The following PPP2R2B variants were observed in gnomAD, a reference collection of about 807,000 sequenced individuals.
PPP2R2B encodes serine/threonine-protein phosphatase 2A 55 kDa regulatory subunit B beta isoform.
In PPP2R2B, 5 loss-of-function variants were observed where a neutral mutation model predicts 46.0. The ratio of observed to expected loss-of-function variants is 0.11; its 90% CI spans 0.06 to 0.23. The LOEUF is 0.23. PPP2R2B is among the 10% of genes least tolerant of loss of function. The pLI is 1.00. For synonymous variants in PPP2R2B, 215 were observed against 206.7 expected, an observed-to-expected ratio of 1.04 and a Z score of -0.34; for missense variants, 367 against 575.0, an observed-to-expected ratio of 0.64 and a Z score of 3.70.
chr5:146,653,223 T>C (rs1646420), intron 5 of PPP2R2B, among the ~76,000 whole-genome samples: 129,843 of 152,118 alleles, frequency 0.85, 55,926 homozygotes, highest in Admixed American at 0.91. Context: ...CTTTCCACTG[T>C]ACCACATCAC....
intron 2 of PPP2R2B, chr5:146,707,523 T>A: frequency 1.4e-6 from 1 of 730,814 alleles, no homozygotes; most frequent in Non-Finnish European, 2.5e-6. Context: ...CCAGGCCCAC[T>A]CGTGTAGGAG....
At chr5:147,033,261 T>C (rs1195085497) in intron 1 of PPP2R2B, among the ~76,000 whole-genome samples, 1 of 152,194 alleles carries the variant, frequency 6.6e-6, no homozygotes. Flanking sequence ...TAACCACCCA[T>C]GTGCATGGCT....
intron 1 of PPP2R2B, among the ~76,000 whole-genome samples, chr5:147,049,709 G>A (rs1756710719): frequency 6.6e-6 from 1 of 152,150 alleles, no homozygotes. Flanking sequence ...ATCCCTTCAG[G>A]AAGGATGGAG....
At chr5:146,978,894 T>C (rs1424887436) in intron 1 of PPP2R2B, among the ~76,000 whole-genome samples, 1 of 152,172 alleles carries the variant, frequency 6.6e-6, no homozygotes, top group Non-Finnish European at 1.5e-5. Context: ...TAAGTGATAA[T>C]CTTGCATTAA....
intron 2 of PPP2R2B, among the ~76,000 whole-genome samples, chr5:146,835,277 A>T (rs1356685681): frequency 6.6e-6 from 1 of 152,160 alleles, no homozygotes; most frequent in Non-Finnish European, 1.5e-5. Flanking sequence ...TTTGAGGGAA[A>T]ATATTAAAAT....
At chr5:146,847,713 G>A (rs979548349) in intron 2 of PPP2R2B, among the ~76,000 whole-genome samples, 4 of 152,176 alleles carry the variant, frequency 2.6e-5, no homozygotes, top group Admixed American at 2.0e-4. Context: ...AGTCCTGTGT[G>A]CCAAGACTTG....
chr5:146,905,269 C>T (rs1368082794), intron 1 of PPP2R2B, among the ~76,000 whole-genome samples: 5 of 152,146 alleles, frequency 3.3e-5, no homozygotes, highest in African/African-American at 9.7e-5. Flanking sequence ...TCAATCCACT[C>T]CTGTATATTT....
At chr5:147,065,965 C>G (rs1004329883) in intron 2 of PPP2R2B, among the ~76,000 whole-genome samples, 2 of 152,092 alleles carry the variant, frequency 1.3e-5, no homozygotes, top group African/African-American at 4.8e-5. Flanking sequence ...GACCCCCAGG[C>G]TCAGAATAAC....
intron 1 of PPP2R2B, among the ~76,000 whole-genome samples, chr5:147,012,186 C>A (rs1483483111): frequency 6.6e-6 from 1 of 151,868 alleles, no homozygotes; most frequent in Non-Finnish European, 1.5e-5. Flanking sequence ...TGGTAGAATT[C>A]AGCTGTGAAT....
At chr5:146,888,908 T>A (rs1168260653) in intron 1 of PPP2R2B, among the ~76,000 whole-genome samples, 1 of 152,198 alleles carries the variant, frequency 6.6e-6, no homozygotes, top group Non-Finnish European at 1.5e-5. Context: ...CTACTCTGTA[T>A]AAAATAAATT....
intron 2 of PPP2R2B, among the ~76,000 whole-genome samples, chr5:146,873,257 A>C (rs1251912040): frequency 1.3e-5 from 2 of 151,856 alleles, no homozygotes; most frequent in African/African-American, 4.8e-5. Context: ...AAATCCATCT[A>C]ATTCTCTCCA....
chr5:147,051,349 C>G (rs970462959), intron 1 of PPP2R2B, among the ~76,000 whole-genome samples: 3 of 152,124 alleles, frequency 2.0e-5, no homozygotes, highest in African/African-American at 7.2e-5. Context: ...TGAGATGGGA[C>G]AGGCACAGCC....
At chr5:146,948,639 A>T (rs920897967) in intron 1 of PPP2R2B, among the ~76,000 whole-genome samples, 1 of 152,110 alleles carries the variant, frequency 6.6e-6, no homozygotes, top group Non-Finnish European at 1.5e-5. Flanking sequence ...ATGTGTTCCT[A>T]TGAGAAATCA....
At chr5:146,950,440 T>TA (rs1764617577) in intron 1 of PPP2R2B, among the ~76,000 whole-genome samples, 1 of 151,922 alleles carries the variant, frequency 6.6e-6, no homozygotes, top group African/African-American at 2.4e-5. Flanking sequence ...GTCACATTTT[T>TA]TAAAAAAAAT....
chr5:146,608,677 C>T (rs993276097), intron 7 of PPP2R2B, among the ~76,000 whole-genome samples: 2 of 152,100 alleles, frequency 1.3e-5, no homozygotes, highest in African/African-American at 4.8e-5. Flanking sequence ...TGCCTATAGT[C>T]CCAGCTACCT....
At chr5:147,055,875 G>C in exon 1 of PPP2R2B, 3 of 1,459,040 alleles carry the variant, frequency 2.1e-6, no homozygotes, top group Non-Finnish European at 2.7e-6. Context: ...CAAAGCTGGG[G>C]TGCCCGAGGA....
At position 146,911,808 on chromosome 5, in the gene PPP2R2B, T is replaced by C. The variant is rs73793305; in HGVS notation, c.79+143857A>G. 2.6e-3 allele frequency among the ~76,000 whole-genome samples: 390 copies of C among 152,350 alleles called. 1 individual carries two copies. The highest frequency in any genetic ancestry group is 8.9e-3 in the African/African-American group (370 of 41,582). Reference sequence around the variant, plus strand: ...ACAAATACTTGTCAAGTGCCTAGAATGTGTAGCACACTAGGTTTAGTTGGG... The same window carrying C: ...ACAAATACTTGTCAAGTGCCTAGAACGTGTAGCACACTAGGTTTAGTTGGG... On this transcript the variant is annotated intron_variant, in intron 1 of 8. Transcript: ENST00000336640.
intron 1 of PPP2R2B, among the ~76,000 whole-genome samples, chr5:146,945,413 C>G (rs918833466): frequency 2.6e-5 from 4 of 152,174 alleles, no homozygotes; most frequent in African/African-American, 9.7e-5. Flanking sequence ...TTCTGCCAAA[C>G]AGATTTTTAT....
intron 6 of PPP2R2B, among the ~76,000 whole-genome samples, chr5:146,644,261 A>AAAAAAAAAAAAG (rs1554118466): frequency 2.6e-5 from 2 of 76,098 alleles, no homozygotes; most frequent in African/African-American, 4.6e-5. Context: ...AAAAAAAAAA[A>AAAAAAAAAAAAG]AAGAAGAAGA....
Sources: gnomAD v4.1 joint callset for allele counts (sites outside exome capture counted in the v4.1 genomes callset) on GRCh38, gnomAD v4.1.1 for gene constraint, MANE v1.5 for transcripts, NCBI Gene and HGNC (gene_info 2026-07-23, HGNC 2026-07-21) for gene names.